Variants in INPP5F observed in about 807,000 individuals in gnomAD.
INPP5F encodes the protein phosphatidylinositide 4-phosphatase SAC2.
In INPP5F, 97 loss-of-function variants were observed where a neutral mutation model predicts 137.2. The ratio of observed to expected loss-of-function variants is 0.71; its 90% CI spans 0.60 to 0.84. The LOEUF (loss-of-function observed/expected upper bound fraction) is 0.84. Ranked by LOEUF, INPP5F falls within the 40% of genes least tolerant of loss-of-function variation. The pLI, the probability that INPP5F is intolerant of heterozygous loss-of-function variation, is 0.00. For missense variants in INPP5F, 1,271 were observed against 1,371.9 expected (o/e 0.93, Z 1.16); for synonymous variants, 504 against 476.9 (o/e 1.06, Z -0.74).
chr10:119,822,498 G>A lies in INPP5F; in HGVS notation c.2026G>A (p.Glu676Lys). Residue 676 changes from glutamate to lysine, a missense_variant, in exon 17 of 20, where the codon GAA becomes AAA. Coordinates refer to ENST00000650623, the MANE Select transcript of INPP5F (RefSeq NM_014937.4). ...RLSLENLEKI[E>K]IGPEPTLFGK... ...AAGTCTAGAAAACCTGGAAAAAATTGAAATAGGTAAGTTTTAACATACTAA... is the reference window on the plus strand; with the variant it reads ...AAGTCTAGAAAACCTGGAAAAAATTAAAATAGGTAAGTTTTAACATACTAA... The A allele has an allele frequency of 6.8e-7, 1 of 1,474,592 alleles. No individual in the cohort carries two copies. Among genetic ancestry groups the A allele is most frequent in the Non-Finnish European group, 9.3e-7 (1 of 1,070,564 alleles). The allele number at this position is 1,474,592 out of a possible 1,614,324, so 91.3% of individuals were successfully genotyped here.
At chr10:119,737,027 C>T (rs1848234007) in intron 1 of INPP5F, among the ~76,000 whole-genome samples, 1 of 152,030 alleles carries the variant, frequency 6.6e-6, no homozygotes, top group Admixed American at 6.6e-5. Context: ...CAGAGTCTTG[C>T]TATGTTGTCC....
intron 2 of INPP5F, among the ~76,000 whole-genome samples, chr10:119,769,851 G>T (rs1336212858): frequency 6.6e-6 from 1 of 152,172 alleles, no homozygotes; most frequent in African/African-American, 2.4e-5. Flanking sequence ...CCAGCTTGCA[G>T]ATGGCAGATT....
chr10:119,732,391 A>G (rs1241936638), intron 1 of INPP5F, among the ~76,000 whole-genome samples: 1 of 151,728 alleles, frequency 6.6e-6, no homozygotes, highest in East Asian at 1.9e-4. Context: ...GGTTTTACAG[A>G]TTGAGGGAGG....
chr10:119,749,290 C>T (rs1848626702), intron 1 of INPP5F, among the ~76,000 whole-genome samples: 1 of 152,226 alleles, frequency 6.6e-6, no homozygotes, highest in Non-Finnish European at 1.5e-5. Context: ...AGCGCTCCCG[C>T]TTGTTTTCTG....
chr10:119,741,033 T>C (rs1272374934), intron 1 of INPP5F, among the ~76,000 whole-genome samples: 1 of 152,148 alleles, frequency 6.6e-6, no homozygotes, highest in African/African-American at 2.4e-5. Flanking sequence ...GGTGTCCGGC[T>C]AAGTTAGATG....
At chr10:119,727,764 A>G (rs541678291) in intron 1 of INPP5F, among the ~76,000 whole-genome samples, 5 of 152,320 alleles carry the variant, frequency 3.3e-5, no homozygotes, top group African/African-American at 1.2e-4. Context: ...GTTATTATGG[A>G]TAGGCTAATT....
intron 1 of INPP5F, among the ~76,000 whole-genome samples, chr10:119,730,859 C>T (rs196217): frequency 0.37 from 56,656 of 151,476 alleles, 10,690 homozygotes; most frequent in South Asian, 0.47. Flanking sequence ...GTGATCTTGG[C>T]GCACTGCAAC....
At chr10:119,805,498 G>C in intron 11 of INPP5F, 37 bp downstream of exon 11, 6 of 1,367,714 alleles carry the variant, frequency 4.4e-6, no homozygotes, top group Non-Finnish European at 6.3e-6. Flanking sequence ...TACAGACTCT[G>C]GGATCTGTAA....
chr10:119,745,112 T>G (rs1016609060), intron 1 of INPP5F, among the ~76,000 whole-genome samples: 3 of 152,108 alleles, frequency 2.0e-5, no homozygotes, highest in Admixed American at 1.3e-4. Flanking sequence ...GGCCCTTCCT[T>G]TCAGCTGCTG....
At position 119,810,430 on chromosome 10, in the gene INPP5F, C is replaced by T. The variant is rs113079316; in HGVS notation, c.1687+213C>T. 3.6e-3 allele frequency among the ~76,000 whole-genome samples: 555 copies of T among 152,266 alleles called. 5 individuals are homozygous for T. Among genetic ancestry groups the T allele is most frequent in the African/African-American group, 0.013 (536 of 41,560 alleles). On this transcript the variant is annotated intron_variant, in intron 14 of 19. Coordinates refer to ENST00000650623, the MANE Select transcript of INPP5F (RefSeq NM_014937.4). ...AGCAACAAAAGAAACCATCTATTTT[C>T]CATGCATATTTGTCAGTTTATTACT...
intron 16 of INPP5F, among the ~76,000 whole-genome samples, chr10:119,822,002 TG>T (rs1656087208): frequency 6.6e-6 from 1 of 151,680 alleles, no homozygotes; most frequent in African/African-American, 2.4e-5. Flanking sequence ...GTGATTCTCC[TG>T]CTTCAGCCTC....
At chr10:119,794,263 A>G (rs375531288) in intron 6 of INPP5F, among the ~76,000 whole-genome samples, 7,243 of 152,004 alleles carry the variant, frequency 0.048, 302 homozygotes, top group South Asian at 0.25. Context: ...AACAAAGCAC[A>G]TCTTGCACCG....
At chr10:119,751,450 A>C (rs998680298) in intron 2 of INPP5F, among the ~76,000 whole-genome samples, 3 of 152,170 alleles carry the variant, frequency 2.0e-5, no homozygotes, top group African/African-American at 7.2e-5. Context: ...CTCAAAGGAG[A>C]GTAGTAGGAA....
chr10:119,771,868 ATATATATATATAT>A (rs1245948362), intron 2 of INPP5F, among the ~76,000 whole-genome samples: 10 of 14,308 alleles, frequency 7.0e-4, no homozygotes, highest in Admixed American at 2.6e-3. Flanking sequence ...ATATATATAT[ATATATATATATAT>A]ATTTTTTTTT....
intron 15 of INPP5F, 143 bp from the exon 16 acceptor site, chr10:119,820,703 G>A (rs1851525298): frequency 1.6e-5 from 10 of 635,932 alleles, no homozygotes; most frequent in Admixed American, 7.7e-5. Context: ...ACATCTAACT[G>A]CAGTAGAACT....
At chr10:119,773,322 G>A (rs1849424621) in intron 2 of INPP5F, among the ~76,000 whole-genome samples, 2 of 152,284 alleles carry the variant, frequency 1.3e-5, no homozygotes, top group East Asian at 1.9e-4. Context: ...CTCCCAAAGT[G>A]CTGGGATTAC....
chr10:119,772,678 G>T (rs930701827), intron 2 of INPP5F, among the ~76,000 whole-genome samples: 1 of 152,068 alleles, frequency 6.6e-6, no homozygotes, highest in African/African-American at 2.4e-5. Context: ...ACAATTAATT[G>T]GGGGGCATGG....
chr10:119,797,466 C>A lies in INPP5F; in HGVS notation c.874C>A (p.Arg292Ser). Reference protein sequence around the residue: ...SRRSRHRAGMRYKRRGVDKNG... With the variant: ...SRRSRHRAGMSYKRRGVDKNG... ...CTGTTTTAATTTTCTTTCAGGAATG[C>A]GCTATAAACGAAGAGGAGTGGATAA... Residue 292 changes from arginine (R) to serine (S), a missense_variant, in exon 8 of 20, where the codon CGC becomes AGC. Physicochemically the swap from Arg to Ser is moderately radical, Grantham distance 110 (BLOSUM62 -1). Around this residue, in one of 6 missense-constraint regions of INPP5F, gnomAD observed 593 missense variants for 712.4 expected, o/e 0.83. Coordinates refer to ENST00000650623, the MANE Select transcript of INPP5F (RefSeq NM_014937.4). 6.2e-7 allele frequency: 1 copy of A among 1,600,444 alleles called. No individual in the cohort carries two copies. Among genetic ancestry groups the A allele is most frequent in the East Asian group, 2.2e-5 (1 of 44,612 alleles).
At chr10:119,792,600 G>A (rs970463750) in intron 6 of INPP5F, among the ~76,000 whole-genome samples, 4 of 143,680 alleles carry the variant, frequency 2.8e-5, no homozygotes, top group African/African-American at 1.0e-4. Context: ...AACCTTCGCC[G>A]GACTTCTGTT....
Sources: allele counts gnomAD v4.1 joint callset (sites outside exome capture counted in the v4.1 genomes callset), GRCh38; gene constraint gnomAD v4.1.1; regional missense constraint gnomAD v4.1.1; transcripts MANE v1.5; gene names NCBI Gene and HGNC (gene_info 2026-07-23, HGNC 2026-07-21).